The following MACF1 variants were observed in gnomAD, a reference collection of about 807,000 sequenced individuals.
MACF1 encodes microtubule-actin cross-linking factor 1.
In MACF1, 193 loss-of-function variants were observed where a neutral mutation model predicts 854.8. The observed-to-expected ratio is 0.23, with a 90% CI of 0.20 to 0.25. MACF1 has a LOEUF of 0.25. MACF1 is among the 10% of genes least tolerant of loss of function. The pLI is 1.00. For missense variants in MACF1, 7,722 were observed against 8,929.1 expected (o/e 0.86, Z 5.45); for synonymous variants, 3,185 against 3,226.7 (o/e 0.99, Z 0.44).
chr1:39,239,284 AAAAC>A (rs113965164), intron 2 of MACF1, among the ~76,000 whole-genome samples: 91,093 of 150,574 alleles, frequency 0.6, 29,258 homozygotes, highest in South Asian at 0.77. Context: ...CTGTCTCAAA[AAAAC>A]AAACAAACAA....
chr1:39,443,422 G>GT, intron 78 of MACF1, 24 bp from the exon 79 acceptor site: 1 of 1,594,718 alleles, frequency 6.3e-7, no homozygotes, highest in Non-Finnish European at 8.5e-7. Flanking sequence ...TACTGACATG[G>GT]TTGATATATC....
At chr1:39,412,184 A>G (rs1643041524) in intron 58 of MACF1, 1 of 1,613,842 alleles carries the variant, frequency 6.2e-7, no homozygotes. Context: ...AGTCAAACTG[A>G]GGGGAATGGT....
intron 5 of MACF1, among the ~76,000 whole-genome samples, chr1:39,256,653 G>C (rs920431916): frequency 6.6e-6 from 1 of 152,158 alleles, no homozygotes; most frequent in African/African-American, 2.4e-5. Flanking sequence ...AAAGTTCCAC[G>C]TCCCAGGAAA....
intron 44 of MACF1, 47 bp downstream of exon 44, chr1:39,353,278 C>T (rs1255389308): frequency 6.9e-7 from 1 of 1,449,388 alleles, no homozygotes; most frequent in Non-Finnish European, 9.4e-7. Flanking sequence ...ATCTCTCCTG[C>T]CCTGAGCAAG....
At chr1:39,408,903 TC>T (rs1408179332) in intron 58 of MACF1, among the ~76,000 whole-genome samples, 1 of 151,552 alleles carries the variant, frequency 6.6e-6, no homozygotes, top group East Asian at 2.0e-4. Context: ...CTCCCTCCAC[TC>T]TCGGAGTCGC....
chr1:39,167,321 AT>A (rs1643891964), intron 2 of MACF1, among the ~76,000 whole-genome samples: 1 of 151,692 alleles, frequency 6.6e-6, no homozygotes, highest in Non-Finnish European at 1.5e-5. Flanking sequence ...CATGGCTGTA[AT>A]CCAGCACTTT....
rs774465658 is a variant in MACF1 at position 39,441,281 on chromosome 1, G to A, written c.18628G>A (p.Glu6210Lys). 1.9e-6 allele frequency: 3 copies of A among 1,614,188 alleles called. No homozygotes were observed. Among genetic ancestry groups the A allele is most frequent in the Non-Finnish European group, 1.7e-6 (2 of 1,180,036 alleles). Residue 6210 changes from glutamate to lysine, a missense_variant, in exon 74 of 101, where the codon GAG becomes AAG. Physicochemically the swap from Glu to Lys is moderately conservative, Grantham distance 56. Coordinates refer to ENST00000564288, the MANE Select transcript of MACF1 (RefSeq NM_001394062.1). The stretch of plus-strand genomic sequence containing the variant: ...ATGGAAAGAGAGGCTAGAAAAACTT[G>A]AGGATGCTATGCAAGCTGCTGTGCA... The part of the protein sequence containing the change: ...KTWKERLEKL[E>K]DAMQAAVQYQ...
intron 83 of MACF1, 37 bp from the exon 84 acceptor site, chr1:39,448,557 C>G: frequency 4.8e-6 from 7 of 1,449,524 alleles, no homozygotes; most frequent in Non-Finnish European, 5.5e-6. Flanking sequence ...TGTCGTCTGA[C>G]TTTTAACACT....
chr1:39,335,550 A>C lies in MACF1; in HGVS notation c.8962A>C (p.Thr2988Pro). The C allele has an allele frequency of 6.2e-7, 1 of 1,614,224 alleles. No individual in the cohort carries two copies. The highest frequency in any genetic ancestry group is 8.5e-7 in the Non-Finnish European group (1 of 1,180,022). ...GGTGATTGTAGAAGAAAGTATCAGA[A>C]CATGCAAACCAGCATTTCTTTCTGA... ...REVIVEESIR[T>P]CKPAFLSEEK... The change falls in exon 37 of 101, where the codon ACA becomes CCA. Residue 2988 changes from threonine (T) to proline (P), a missense_variant. Thr to Pro is a conservative substitution (Grantham distance 38). This residue lies in a region of MACF1 where 854 missense variants were observed against 852.6 expected (regional missense o/e 1.00). Transcript: ENST00000564288.
chr1:39,368,830 T>C lies in MACF1; in HGVS notation c.12938+516T>C, dbSNP rs558559174. Among the ~76,000 whole-genome samples, 15 of 152,026 alleles carry C rather than the reference T, an allele frequency of 9.9e-5. No individual in the cohort carries two copies. The South Asian group carries it at 3.1e-3, about 32-fold the overall frequency. ...TAGTGGTTTTTCTAATAGTAACTAA[T>C]AGAAAGTAGGGATGAGTTCCCTCTC... is the stretch of plus-strand genomic sequence containing the variant. On this transcript the variant is annotated intron_variant, in intron 50 of 100. Coordinates refer to ENST00000564288, the MANE Select transcript of MACF1 (RefSeq NM_001394062.1).
rs1308474005 is a variant in MACF1 at position 39,282,347 on chromosome 1, T to C, written c.668T>C (p.Met223Thr). Residue 223 changes from methionine to threonine, a missense_variant, in exon 7 of 101, where the codon ATG (methionine) becomes ACG (threonine). This residue lies in a region of MACF1 where 108 missense variants were observed against 196.4 expected (regional missense o/e 0.55). Transcript: ENST00000564288. ...TCCTCCTGCTGGAGTGATGGGAAGA[T>C]GTTCAATGCACTCATTCACCGATAC... ...NFSSCWSDGKMFNALIHRYRP... is the reference protein window; with the variant it reads ...NFSSCWSDGKTFNALIHRYRP... 1 of 1,614,060 alleles carries C rather than the reference T, an allele frequency of 6.2e-7. No individual in the cohort carries two copies.
intron 3 of MACF1, among the ~76,000 whole-genome samples, chr1:39,250,944 A>T (rs140363945): frequency 6.6e-6 from 1 of 152,252 alleles, no homozygotes; most frequent in African/African-American, 2.4e-5. Flanking sequence ...TTTCATTTAG[A>T]AAAGTCCAGG....
At chr1:39,254,516 T>C in intron 5 of MACF1, 141 bp downstream of exon 5, 1 of 691,490 alleles carries the variant, frequency 1.4e-6, no homozygotes, top group South Asian at 1.8e-5. Context: ...AACTTGCTAG[T>C]GAGCAATTGT....
rs771330567 is a variant in MACF1, at chr1:39,287,370, A to G, written c.1593A>G (p.Glu531=). ...GGAAGGGTCATTTCACTTCACTTGA[A>G]TTGGTTCCACCCTCTACTTTAACCA... ...LYRKGHFTSL[E]LVPPSTLTTT... Residue 531 remains glutamate (E), a synonymous_variant, in exon 15 of 101, where the codon GAA becomes GAG. Transcript: ENST00000564288. The G allele has an allele frequency of 2.5e-6, 4 of 1,614,112 alleles. No individual in the cohort carries two copies. The highest frequency in any genetic ancestry group is 3.3e-5 in the Admixed American group (2 of 60,016).
At chr1:39,233,396 A>G (rs970413384) in intron 2 of MACF1, among the ~76,000 whole-genome samples, 5 of 152,036 alleles carry the variant, frequency 3.3e-5, no homozygotes. Context: ...TGTGCCTCCT[A>G]TATTCATTTC....
At chr1:39,185,456 T>TGTA (rs1202340937) in intron 2 of MACF1, among the ~76,000 whole-genome samples, 2 of 151,908 alleles carry the variant, frequency 1.3e-5, no homozygotes, top group Admixed American at 6.6e-5. Flanking sequence ...ATTGTGCCTG[T>TGTA]GTAGTCACTG....
chr1:39,432,911 G>A, intron 67 of MACF1, 137 bp from the exon 68 acceptor site: 1 of 618,570 alleles, frequency 1.6e-6, no homozygotes, highest in Non-Finnish European at 2.7e-6. Context: ...ATAAGCTAGA[G>A]AAGATGTTGG....
At chr1:39,113,081 C>T (rs1205686792) in intron 2 of MACF1, among the ~76,000 whole-genome samples, 1 of 152,120 alleles carries the variant, frequency 6.6e-6, no homozygotes, top group Non-Finnish European at 1.5e-5. Context: ...CCATCATTTA[C>T]ATAACCTCTT....
chr1:39,293,643 C>T (rs757969736), intron 18 of MACF1, 24 bp downstream of exon 18: 1 of 1,597,900 alleles, frequency 6.3e-7, no homozygotes, highest in Admixed American at 1.7e-5. Flanking sequence ...AGTAGCAGGC[C>T]TGTCATACTT....
Sources: gnomAD v4.1 joint callset for allele counts (sites outside exome capture counted in the v4.1 genomes callset) on GRCh38, gnomAD v4.1.1 for gene constraint, gnomAD v4.1.1 regional missense constraint, MANE v1.5 for transcripts, NCBI Gene and HGNC (gene_info 2026-07-23, HGNC 2026-07-21) for gene names.